FHIT: variants seen among roughly 807,000 people sequenced by gnomAD.
FHIT encodes the protein bis(5'-adenosyl)-triphosphatase.
In FHIT, 19 loss-of-function variants were observed where a neutral mutation model predicts 17.9. That is an observed-to-expected ratio of 1.06 (90% CI 0.74 to 1.56). The LOEUF is 1.56. Among genes scored for constraint, FHIT ranks in the 40% most tolerant of loss-of-function variants. The probability of loss-of-function intolerance (pLI) is 0.00; values close to 1 mark genes in which losing one functional copy is unlikely to be tolerated. For missense variants in FHIT, 248 were observed against 189.2 expected (o/e 1.31, Z -1.82); for synonymous variants, 81 against 69.7 (o/e 1.16, Z -0.81).
At chr3:60,898,049 T>C (rs1236993704) in intron 3 of FHIT, among the ~76,000 whole-genome samples, 1 of 152,188 alleles carries the variant, frequency 6.6e-6, no homozygotes, top group East Asian at 1.9e-4. Flanking sequence ...ACTGTTAATA[T>C]TTTAGGGCAT....
chr3:60,338,087 G>A (rs1710330465), intron 5 of FHIT, among the ~76,000 whole-genome samples: 1 of 152,102 alleles, frequency 6.6e-6, no homozygotes, highest in Non-Finnish European at 1.5e-5. Flanking sequence ...TACCTGAGAT[G>A]CAGCAGGGGA....
At chr3:60,791,054 A>ATATT (rs145876692) in intron 4 of FHIT, among the ~76,000 whole-genome samples, 5 of 152,298 alleles carry the variant, frequency 3.3e-5, no homozygotes, top group Non-Finnish European at 7.4e-5. Flanking sequence ...TTTATAAACT[A>ATATT]TATTCAGAGG....
At chr3:60,221,990 G>A (rs1389380564) in intron 5 of FHIT, among the ~76,000 whole-genome samples, 5 of 151,886 alleles carry the variant, frequency 3.3e-5, no homozygotes, top group Admixed American at 6.6e-5. Context: ...TTAGGAGCAC[G>A]GCCTTATCTA....
chr3:60,159,586 T>C (rs1263488655), intron 5 of FHIT, among the ~76,000 whole-genome samples: 1 of 152,232 alleles, frequency 6.6e-6, no homozygotes, highest in African/African-American at 2.4e-5. Flanking sequence ...TCTACCTTTT[T>C]AGTACAGTAA....
intron 5 of FHIT, among the ~76,000 whole-genome samples, chr3:60,157,331 C>T (rs760321177): frequency 6.6e-6 from 1 of 152,110 alleles, no homozygotes; most frequent in Non-Finnish European, 1.5e-5. Flanking sequence ...TCTACCGCAA[C>T]GTGGAAAAGT....
intron 4 of FHIT, among the ~76,000 whole-genome samples, chr3:60,562,242 G>A (rs892185141): frequency 5.3e-5 from 8 of 152,062 alleles, no homozygotes; most frequent in Non-Finnish European, 7.4e-5. Context: ...TTATGGTTAC[G>A]GAAAGACAGC....
intron 4 of FHIT, among the ~76,000 whole-genome samples, chr3:60,622,757 G>A (rs1052311198): frequency 4.6e-5 from 7 of 152,136 alleles, no homozygotes; most frequent in African/African-American, 9.7e-5. Context: ...CCTGCTTTAC[G>A]CTAGAATCGC....
intron 4 of FHIT, among the ~76,000 whole-genome samples, chr3:60,767,727 G>C (rs1699903835): frequency 6.6e-6 from 1 of 152,182 alleles, no homozygotes; most frequent in Admixed American, 6.5e-5. Flanking sequence ...CTCTAGATTA[G>C]AATCAAAGAA....
intron 3 of FHIT, among the ~76,000 whole-genome samples, chr3:60,995,586 A>T (rs1377339457): frequency 2.0e-5 from 3 of 152,166 alleles, no homozygotes; most frequent in Non-Finnish European, 2.9e-5. Flanking sequence ...CCTGGATGTT[A>T]TGCAGAATGT....
chr3:60,298,063 G>A (rs1341586194), intron 5 of FHIT, among the ~76,000 whole-genome samples: 3 of 152,060 alleles, frequency 2.0e-5, no homozygotes, highest in East Asian at 1.9e-4. Context: ...CAAGGTATGT[G>A]GGAAGGAGTG....
intron 3 of FHIT, among the ~76,000 whole-genome samples, chr3:60,923,435 C>G (rs927224043): frequency 6.6e-6 from 1 of 152,246 alleles, no homozygotes; most frequent in Non-Finnish European, 1.5e-5. Context: ...AGATAATGTA[C>G]ACAAAGCATT....
chr3:60,396,391 G>C (rs917689865), intron 5 of FHIT, among the ~76,000 whole-genome samples: 5 of 152,076 alleles, frequency 3.3e-5, no homozygotes, highest in African/African-American at 1.2e-4. Context: ...GTGACAAAAA[G>C]GAAAATCTTT....
chr3:59,917,244 A>C (rs1200980460), intron 8 of FHIT, among the ~76,000 whole-genome samples: 1 of 152,216 alleles, frequency 6.6e-6, no homozygotes, highest in Non-Finnish European at 1.5e-5. Context: ...AATTTGTCCA[A>C]TTGCTGATTG....
intron 4 of FHIT, among the ~76,000 whole-genome samples, chr3:60,560,663 T>C (rs12487370): frequency 0.15 from 23,011 of 151,922 alleles, 2,207 homozygotes; most frequent in East Asian, 0.37. Flanking sequence ...TGGAGACTGA[T>C]GGGCAGACTG....
chr3:60,339,677 A>G (rs1021011799), intron 5 of FHIT, among the ~76,000 whole-genome samples: 11 of 152,182 alleles, frequency 7.2e-5, no homozygotes, highest in Admixed American at 3.9e-4. Context: ...TGGAATCCCT[A>G]TTTTGTAACA....
intron 4 of FHIT, among the ~76,000 whole-genome samples, chr3:60,792,519 G>T (rs189157241): frequency 4.3e-4 from 65 of 152,282 alleles, no homozygotes; most frequent in African/African-American, 1.5e-3. Flanking sequence ...ACTGCCTGAG[G>T]AGCTTAAACA....
At position 60,780,430 on chromosome 3, in the gene FHIT, G is replaced by A. The variant is rs73836120; in HGVS notation, c.-18+41489C>T. Among the ~76,000 whole-genome samples, 239 of 152,226 alleles carry A rather than the reference G, an allele frequency of 1.6e-3. 2 individuals carry two copies. The highest frequency in any genetic ancestry group is 5.5e-3 in the African/African-American group (229 of 41,532). On this transcript the variant is annotated intron_variant, in intron 4 of 9. Coordinates refer to ENST00000492590, the MANE Select transcript of FHIT (RefSeq NM_002012.4). The stretch of plus-strand genomic sequence containing the variant: ...CAAAAGGGTAAAGTTTTTTTTGCCA[G>A]TCAGGCTTTTGGCCTCCCTCTACGT...
intron 7 of FHIT, among the ~76,000 whole-genome samples, chr3:59,951,394 G>A (rs1277379846): frequency 1.3e-5 from 2 of 152,162 alleles, no homozygotes; most frequent in Non-Finnish European, 2.9e-5. Flanking sequence ...AACTTTCATG[G>A]CCACGGCCAC....
chr3:60,723,967 T>G (rs781828514), intron 4 of FHIT, among the ~76,000 whole-genome samples: 1 of 152,248 alleles, frequency 6.6e-6, no homozygotes. Context: ...CATCTCTTTT[T>G]TGTTTTTATA....
Sources: gnomAD v4.1 joint callset for allele counts (sites outside exome capture counted in the v4.1 genomes callset) on GRCh38, gnomAD v4.1.1 for gene constraint, MANE v1.5 for transcripts, NCBI Gene and HGNC (gene_info 2026-07-23, HGNC 2026-07-21) for gene names.